Variants in NUDT3 observed in about 807,000 individuals in gnomAD.
NUDT3 encodes diphosphoinositol polyphosphate phosphohydrolase 1.
NUDT3 carries 9 observed loss-of-function variants against 23.6 expected under a neutral mutation model. That is an observed-to-expected ratio of 0.38 (90% CI 0.23 to 0.66). The LOEUF (loss-of-function observed/expected upper bound fraction) is 0.66, where lower values mean the gene tolerates loss of function less well. NUDT3 is among the 30% of genes least tolerant of loss of function. The pLI is 0.52. For synonymous variants in NUDT3, 86 were observed against 82.6 expected (o/e 1.04, Z -0.22); for missense variants, 172 against 218.5 (o/e 0.79, Z 1.34).
At chr6:34,330,112 G>A (rs911962832) in intron 2 of NUDT3, among the ~76,000 whole-genome samples, 2 of 152,138 alleles carry the variant, frequency 1.3e-5, no homozygotes, top group African/African-American at 4.8e-5. Flanking sequence ...ATAAACATAC[G>A]TGTGCATGTG....
chr6:34,311,084 T>TGCTTAATGGTGAGAAACCAGAA (rs539924951), intron 2 of NUDT3, among the ~76,000 whole-genome samples: 3 of 151,604 alleles, frequency 2.0e-5, no homozygotes, highest in South Asian at 2.1e-4. Flanking sequence ...GCTAACATCA[T>TGCTTAATGGTGAGAAACCAGAA]GCTTAATGGT....
chr6:34,291,289 T>A (rs1317643623), intron 4 of NUDT3, among the ~76,000 whole-genome samples: 1 of 152,150 alleles, frequency 6.6e-6, no homozygotes, highest in Non-Finnish European at 1.5e-5. Flanking sequence ...TGCTATTTTT[T>A]TAAAACGTTC....
Position 34,285,048 on chromosome 6 carries a change from C to A in NUDT3, c.*3705G>T, listed in dbSNP as rs1763318259. ...TCCTGCTGTGACGCCACCCTCGAGA[C>A]CTTCTGCAGCCTGAGAGGGGGTGAT... On this transcript the variant is annotated 3_prime_UTR_variant, in exon 5 of 5. Transcript: ENST00000607016. 6.6e-6 allele frequency: 1 copy of A among 152,206 alleles called. No homozygotes were observed. 9.4% of individuals were successfully genotyped at this position (152,206 alleles called of 1,614,324 possible).
At chr6:34,378,793 A>G (rs1363743749) in intron 1 of NUDT3, among the ~76,000 whole-genome samples, 1 of 152,212 alleles carries the variant, frequency 6.6e-6, no homozygotes, top group African/African-American at 2.4e-5. Flanking sequence ...CCCTCTCTCC[A>G]AGAAGGGCAT....
In NUDT3 at chr6:34,281,626, C is replaced by T. The variant is rs1033261303; in HGVS notation, c.*7127G>A. The T allele has an allele frequency of 3.3e-5, 5 of 152,188 alleles. No individual in the cohort carries two copies. Among genetic ancestry groups the T allele is most frequent in the African/African-American group, 1.2e-4 (5 of 41,442 alleles). 9.4% of individuals were successfully genotyped at this position (152,188 alleles called of 1,614,324 possible). A position where few individuals can be genotyped will look rare whatever the true frequency, so the allele number is the denominator to read the frequency against. ...CTTATTTCTTTTACAGTAGAGCTGA[C>T]CAATTACTTTTCTAACTACTAATGC... is the stretch of plus-strand genomic sequence containing the variant. On this transcript the variant is annotated 3_prime_UTR_variant, in exon 5 of 5. Coordinates refer to ENST00000607016, the MANE Select transcript of NUDT3 (RefSeq NM_006703.4).
chr6:34,352,943 G>C (rs1475523360), intron 1 of NUDT3, among the ~76,000 whole-genome samples: 2 of 152,030 alleles, frequency 1.3e-5, no homozygotes, highest in Non-Finnish European at 2.9e-5. Context: ...AACTGATAGA[G>C]GTATATGTGT....
At chr6:34,365,847 G>C (rs1227701778) in intron 1 of NUDT3, among the ~76,000 whole-genome samples, 2 of 152,112 alleles carry the variant, frequency 1.3e-5, no homozygotes, top group Non-Finnish European at 2.9e-5. Context: ...TTCAAGACTG[G>C]CCTGGCCAAC....
intron 1 of NUDT3, among the ~76,000 whole-genome samples, chr6:34,373,084 C>T (rs1764859229): frequency 6.6e-6 from 1 of 151,688 alleles, no homozygotes; most frequent in African/African-American, 2.4e-5. Flanking sequence ...TCGAGACCAT[C>T]CTGGCTAACA....
At chr6:34,381,428 C>A (rs1765015884) in intron 1 of NUDT3, among the ~76,000 whole-genome samples, 1 of 151,724 alleles carries the variant, frequency 6.6e-6, no homozygotes, top group African/African-American at 2.4e-5. Flanking sequence ...ACTTTTGTAA[C>A]CAAAAATAAT....
chr6:34,335,249 T>G (rs1764191398), intron 2 of NUDT3, among the ~76,000 whole-genome samples: 1 of 152,264 alleles, frequency 6.6e-6, no homozygotes, highest in Admixed American at 6.5e-5. Context: ...CCTTGTGATG[T>G]TATGGAGTTT....
intron 2 of NUDT3, among the ~76,000 whole-genome samples, chr6:34,312,429 T>C (rs1473536263): frequency 6.7e-6 from 1 of 149,214 alleles, no homozygotes. Flanking sequence ...ATAGCTAAAA[T>C]CTAAAACACT....
At position 34,281,792 on chromosome 6, in the gene NUDT3, A is replaced by T. The variant is rs1241771889; in HGVS notation, c.*6961T>A. On this transcript the variant is annotated 3_prime_UTR_variant, in exon 5 of 5. Transcript: ENST00000607016. ...GGGAGCAAATTGGATTTTTGAAGGG[A>T]GAGTCCTCTTAGAAAATTCTGAGCA... 1 of 152,216 alleles carries T rather than the reference A, an allele frequency of 6.6e-6. No individual in the cohort carries two copies. The allele number at this position is 152,216 out of a possible 1,614,324, so 9.4% of individuals were successfully genotyped here. A position where few individuals can be genotyped will look rare whatever the true frequency, so the allele number is the denominator to read the frequency against.
rs189859877 is a variant in NUDT3 at position 34,285,661 on chromosome 6, C to G, written c.*3092G>C. 6.6e-6 allele frequency: 1 copy of G among 152,152 alleles called. No homozygotes were observed. The highest frequency in any genetic ancestry group is 2.1e-4 in the South Asian group (1 of 4,832). The allele number at this position is 152,152 out of a possible 1,614,324, so 9.4% of individuals were successfully genotyped here. ...TTTTGTGCTTTCTTTTGATTATTTTCTTTGGGGAGATAAAGGTATTGCAAC... is the reference window on the plus strand; with the variant it reads ...TTTTGTGCTTTCTTTTGATTATTTTGTTTGGGGAGATAAAGGTATTGCAAC... On this transcript the variant is annotated 3_prime_UTR_variant, in exon 5 of 5. Coordinates refer to ENST00000607016, the MANE Select transcript of NUDT3 (RefSeq NM_006703.4).
chr6:34,370,642 G>C (rs1325960304), intron 1 of NUDT3, among the ~76,000 whole-genome samples: 1 of 152,188 alleles, frequency 6.6e-6, no homozygotes, highest in African/African-American at 2.4e-5. Flanking sequence ...AACTTGACAA[G>C]CTGAACAATG....
chr6:34,332,643 G>A (rs1184330203), intron 2 of NUDT3, among the ~76,000 whole-genome samples: 1 of 152,190 alleles, frequency 6.6e-6, no homozygotes, highest in African/African-American at 2.4e-5. Context: ...ATGATCTAAA[G>A]TATATGGGAG....
At chr6:34,323,268 G>A (rs1763973252) in intron 2 of NUDT3, among the ~76,000 whole-genome samples, 2 of 151,726 alleles carry the variant, frequency 1.3e-5, no homozygotes, top group Non-Finnish European at 2.9e-5. Context: ...GGGAGGAAGG[G>A]TGGGCGGGCA....
rs1763287171 is a variant in NUDT3 at position 34,282,164 on chromosome 6, T to C, written c.*6589A>G. The C allele has an allele frequency of 6.6e-6, 1 of 152,168 alleles. No homozygotes were observed. Among genetic ancestry groups the C allele is most frequent in the Admixed American group, 6.5e-5 (1 of 15,280 alleles). The allele number at this position is 152,168 out of a possible 1,614,324, so 9.4% of individuals were successfully genotyped here. A position where few individuals can be genotyped will look rare whatever the true frequency, so the allele number is the denominator to read the frequency against. On this transcript the variant is annotated 3_prime_UTR_variant, in exon 5 of 5. Coordinates refer to ENST00000607016, the MANE Select transcript of NUDT3 (RefSeq NM_006703.4). ...TGGACCACTGATTAGTGACACATTT[T>C]CTCCACAACAAAGGGAGGTTAAAGA...
intron 1 of NUDT3, 140 bp downstream of exon 1, chr6:34,392,124 T>C: frequency 1.6e-6 from 1 of 622,214 alleles, no homozygotes; most frequent in South Asian, 2.1e-5. Context: ...TTTTTTCGCC[T>C]CAGGAAATTC....
intron 1 of NUDT3, among the ~76,000 whole-genome samples, chr6:34,383,164 T>C (rs536692305): frequency 1.6e-4 from 23 of 148,040 alleles, no homozygotes; most frequent in African/African-American, 5.2e-4. Context: ...AAAATCACAA[T>C]CCTTCCTCCT....
Sources: allele counts gnomAD v4.1 joint callset (sites outside exome capture counted in the v4.1 genomes callset), GRCh38; gene constraint gnomAD v4.1.1; transcripts MANE v1.5; gene names NCBI Gene and HGNC (gene_info 2026-07-23, HGNC 2026-07-21).